Variants in YAE1 observed in about 807,000 individuals in gnomAD.
YAE1 encodes the protein protein YAE1 homolog.
A neutral mutation model predicts 23.0 loss-of-function variants in YAE1; 22 were observed. That is an observed-to-expected ratio of 0.96 (90% CI 0.68 to 1.37). The LOEUF is 1.37. Ranked by LOEUF, YAE1 falls within the 40% of genes most tolerant of loss-of-function variation. The pLI is 0.00. For missense variants in YAE1, 260 were observed against 262.1 expected, an observed-to-expected ratio of 0.99 and a Z score of 0.06; for synonymous variants, 101 against 97.0, an observed-to-expected ratio of 1.04 and a Z score of -0.24.
chr7:39,569,733 AAG>A, intron 1 of YAE1: 1 of 738,584 alleles, frequency 1.4e-6, no homozygotes. Flanking sequence ...AGATAGCTGA[AAG>A]AGTGCTGACG....
intron 2 of YAE1, among the ~76,000 whole-genome samples, chr7:39,583,952 T>C (rs1790779422): frequency 6.6e-6 from 1 of 152,206 alleles, no homozygotes. Context: ...ACATTAGCTA[T>C]TATTATTGTA....
chr7:39,575,535 C>T (rs1790638880), downstream of YAE1, among the ~76,000 whole-genome samples: 1 of 107,602 alleles, frequency 9.3e-6, no homozygotes, highest in South Asian at 3.2e-4. Flanking sequence ...GTCTAAGATA[C>T]AGGAGAGAGA....
chr7:39,569,675 C>A (rs1285610864), intron 1 of YAE1: 2 of 688,830 alleles, frequency 2.9e-6, no homozygotes, highest in Non-Finnish European at 5.6e-6. Flanking sequence ...CCCACACTGG[C>A]AATCCAATGT....
At chr7:39,607,524 A>C (rs576421035) in intron 2 of YAE1, among the ~76,000 whole-genome samples, 1 of 152,218 alleles carries the variant, frequency 6.6e-6, no homozygotes, top group Non-Finnish European at 1.5e-5. Context: ...GCTCACACTG[A>C]TCTGAGCCCA....
At chr7:39,578,586 ACG>A in intron 2 of YAE1, among the ~76,000 whole-genome samples, 1 of 152,234 alleles carries the variant, frequency 6.6e-6, no homozygotes, top group South Asian at 2.1e-4. Flanking sequence ...ACAACTCCAG[ACG>A]CGCTGCCTTA....
At chr7:39,573,038 A>G (rs1235604323), downstream of YAE1, among the ~76,000 whole-genome samples, 2 of 152,146 alleles carry the variant, frequency 1.3e-5, no homozygotes, top group Non-Finnish European at 2.9e-5. Context: ...ACCTACCCCT[A>G]CTTCTACCTC....
chr7:39,573,113 G>C (rs545495402), downstream of YAE1, among the ~76,000 whole-genome samples: 23 of 152,142 alleles, frequency 1.5e-4, no homozygotes, highest in South Asian at 4.4e-3. Context: ...AATAGTTAAC[G>C]TAAATATAGA....
chr7:39,578,274 A>C (rs1165160398), intron 2 of YAE1, among the ~76,000 whole-genome samples: 4 of 152,222 alleles, frequency 2.6e-5, no homozygotes. Context: ...GCACTCTGTC[A>C]AAACGGACCA....
chr7:39,606,810 A>G (rs925044839), intron 2 of YAE1, among the ~76,000 whole-genome samples: 2 of 152,266 alleles, frequency 1.3e-5, no homozygotes, highest in Admixed American at 6.5e-5. Context: ...ATCAAATTGT[A>G]TAACTGCAGA....
rs17851965 is a variant in YAE1, at chr7:39,566,481, C to G, written c.63C>G (p.Asp21Glu). 5.1e-5 allele frequency: 83 copies of G among 1,614,042 alleles called. No individual in the cohort carries two copies. Among genetic ancestry groups the G allele is most frequent in the Non-Finnish European group, 5.2e-5 (61 of 1,180,034 alleles). The change falls in exon 1 of 3, where the codon GAC becomes GAG. Residue 21 changes from aspartate to glutamate, a missense_variant. Asp to Glu is a conservative substitution (Grantham distance 45). Transcript: ENST00000223273. ...CTGGAGACAAAGGGGACGTGTTTGA[C>G]GAAGAAGCAGACGAGTCGCTCCTGG... ...QGPGDKGDVFDEEADESLLAQ... is the reference protein window; with the variant it reads ...QGPGDKGDVFEEEADESLLAQ...
chr7:39,569,279 G>A (rs915806482), intron 1 of YAE1: 16 of 251,210 alleles, frequency 6.4e-5, no homozygotes, highest in African/African-American at 3.7e-4. Flanking sequence ...TAGACTGAAT[G>A]CTGTAATATA....
rs905582741 is a variant in YAE1, at chr7:39,570,542, G to A, written c.166G>A (p.Val56Ile). The A allele has an allele frequency of 6.2e-7, 1 of 1,611,840 alleles. No individual in the cohort carries two copies. The highest frequency in any genetic ancestry group is 1.7e-5 in the Admixed American group (1 of 59,154). The change falls in exon 2 of 3, where the codon GTT (valine) becomes ATT (isoleucine). Residue 56 changes from valine to isoleucine, a missense_variant. Transcript: ENST00000223273. ...AGATGGAATAGATGCTGGCAAAGCAGTTACTCTTCAACAGGGCTTCAATCA... is the reference window on the plus strand; with the variant it reads ...AGATGGAATAGATGCTGGCAAAGCAATTACTCTTCAACAGGGCTTCAATCA... ...YRDGIDAGKA[V>I]TLQQGFNQGY...
At chr7:39,575,537 GGAGAGAGAGAGA>G (rs56954676), downstream of YAE1, among the ~76,000 whole-genome samples, 11,778 of 131,258 alleles carry the variant, frequency 0.09, 591 homozygotes, top group Non-Finnish European at 0.12. Flanking sequence ...CTAAGATACA[GGAGAGAGAGAGA>G]GAGAGAGAGA....
At position 39,566,485 on chromosome 7, in the gene YAE1, G is replaced by A. The variant is rs761307089; in HGVS notation, c.67G>A (p.Glu23Lys). Residue 23 changes from glutamate to lysine, a missense_variant, in exon 1 of 3, where the codon GAA becomes AAA. Glu to Lys is a moderately conservative substitution (Grantham distance 56, BLOSUM62 1). Transcript: ENST00000223273. Reference protein sequence around the residue: ...PGDKGDVFDEEADESLLAQRE... With the variant: ...PGDKGDVFDEKADESLLAQRE... ...AGACAAAGGGGACGTGTTTGACGAA[G>A]AAGCAGACGAGTCGCTCCTGGCGCA... 6.2e-7 allele frequency: 1 copy of A among 1,614,220 alleles called. No homozygotes were observed. Among genetic ancestry groups the A allele is most frequent in the Non-Finnish European group, 8.5e-7 (1 of 1,180,030 alleles).
chr7:39,611,468 G>A (rs1791216456), downstream of YAE1, among the ~76,000 whole-genome samples: 1 of 152,208 alleles, frequency 6.6e-6, no homozygotes, highest in South Asian at 2.1e-4. Flanking sequence ...GCTGGGCCGA[G>A]GCAGGCTCCC....
At position 39,609,558 on chromosome 7, in the gene YAE1, T is replaced by A; in HGVS notation, c.252-59T>A. 4 of 1,501,644 alleles carry A rather than the reference T, an allele frequency of 2.7e-6. No homozygotes were observed. In the Middle Eastern group the frequency reaches 5.1e-4, roughly 192 times the overall value. 93.0% of individuals were successfully genotyped at this position (1,501,644 alleles called of 1,614,324 possible). A position where few individuals can be genotyped will look rare whatever the true frequency, so the allele number is the denominator to read the frequency against. On this transcript the variant is annotated intron_variant, in intron 2 of 2. Transcript: ENST00000432096. ...TATCGAATTGGGAGAATGGGGAAAG[T>A]TGTGGGGACAGTGATAACAGAGCCA... is the stretch of plus-strand genomic sequence containing the variant.
chr7:39,594,362 G>T (rs1015153492), intron 2 of YAE1, among the ~76,000 whole-genome samples: 1 of 152,168 alleles, frequency 6.6e-6, no homozygotes, highest in African/African-American at 2.4e-5. Context: ...GAGTCTGTGA[G>T]TATTAGCTAC....
chr7:39,574,352 C>T (rs991139977), downstream of YAE1, among the ~76,000 whole-genome samples: 22 of 152,158 alleles, frequency 1.4e-4, no homozygotes, highest in African/African-American at 5.3e-4. Flanking sequence ...AATCTCAACA[C>T]TTTGGGAGGT....
intron 1 of YAE1, among the ~76,000 whole-genome samples, chr7:39,567,861 C>G (rs1321586655): frequency 6.6e-6 from 1 of 152,074 alleles, no homozygotes; most frequent in Admixed American, 6.5e-5. Context: ...TCAGTTGATT[C>G]ATTGTATTTA....
Sources: allele counts gnomAD v4.1 joint callset (sites outside exome capture counted in the v4.1 genomes callset), GRCh38; gene constraint gnomAD v4.1.1; transcripts MANE v1.5; gene names NCBI Gene and HGNC (gene_info 2026-07-23, HGNC 2026-07-21).